The following PSMD11 variants were observed in gnomAD, a reference collection of about 807,000 sequenced individuals.
PSMD11 encodes 26S proteasome non-ATPase regulatory subunit 11.
A neutral mutation model predicts 62.3 loss-of-function variants in PSMD11; 5 were observed. The ratio of observed to expected loss-of-function variants is 0.08; its 90% CI spans 0.04 to 0.17. PSMD11 has a LOEUF of 0.17. Ranked by LOEUF, PSMD11 falls within the 10% of genes least tolerant of loss-of-function variation. The pLI is 1.00. For synonymous variants in PSMD11, 191 were observed against 191.8 expected (o/e 1.00, Z 0.03); for missense variants, 310 against 512.9 (o/e 0.60, Z 3.82).
Position 32,473,791 on chromosome 17 carries a change from C to T in PSMD11, c.644-10C>T, listed in dbSNP as rs757552457. On this transcript the variant is annotated splice_polypyrimidine_tract_variant and intron_variant, in intron 6 of 13. Coordinates refer to ENST00000261712, the MANE Select transcript of PSMD11 (RefSeq NM_002815.4). ...TTATATGTTCTTATTCCTTTCTTTTCAATGCCCAGGTATTATCCATGCAGC... is the reference window on the plus strand; with the variant it reads ...TTATATGTTCTTATTCCTTTCTTTTTAATGCCCAGGTATTATCCATGCAGC... 3.1e-6 allele frequency: 5 copies of T among 1,612,550 alleles called. No individual in the cohort carries two copies. Among genetic ancestry groups the T allele is most frequent in the South Asian group, 1.1e-5 (1 of 90,990 alleles).
chr17:32,479,434 C>A, intron 10 of PSMD11, 58 bp downstream of exon 10: 1 of 1,591,486 alleles, frequency 6.3e-7, no homozygotes, highest in South Asian at 1.1e-5. Context: ...AGCCACCTCC[C>A]TTCCACACCT....
At chr17:32,456,676 C>T (rs1010482226) in intron 3 of PSMD11, among the ~76,000 whole-genome samples, 4 of 152,174 alleles carry the variant, frequency 2.6e-5, no homozygotes, top group African/African-American at 9.6e-5. Flanking sequence ...ACTACAGGCG[C>T]CCGCCACCAC....
Position 32,479,330 on chromosome 17 carries a change from T to A in PSMD11, c.992T>A (p.Leu331Gln). 1 of 1,614,186 alleles carries A rather than the reference T, an allele frequency of 6.2e-7. No individual in the cohort carries two copies. Among genetic ancestry groups the A allele is most frequent in the South Asian group, 1.1e-5 (1 of 91,080 alleles). Residue 331 changes from leucine to glutamine, a missense_variant, in exon 10 of 14, where the codon CTA becomes CAA. Leu to Gln is a moderately radical substitution (Grantham distance 113). Coordinates refer to ENST00000261712, the MANE Select transcript of PSMD11 (RefSeq NM_002815.4). Reference sequence around the variant, plus strand: ...TTGGCCAAGTTGTATGATAACTTACTAGAACAGAATCTGATCCGAGTCATT... The same window carrying A: ...TTGGCCAAGTTGTATGATAACTTACAAGAACAGAATCTGATCCGAGTCATT... ...THLAKLYDNL[L>Q]EQNLIRVIEP...
At position 32,452,539 on chromosome 17, in the gene PSMD11, A is replaced by G. The variant is rs376412753; in HGVS notation, c.194-1956A>G. Among the ~76,000 whole-genome samples the G allele has an allele frequency of 1.1e-4, 17 of 152,356 alleles. No individual in the cohort carries two copies. In the East Asian group the frequency reaches 1.5e-3, roughly 14 times the overall value. On this transcript the variant is annotated intron_variant, in intron 2 of 13. Coordinates refer to ENST00000261712, the MANE Select transcript of PSMD11 (RefSeq NM_002815.4). Reference sequence around the variant, plus strand: ...CTCAGTACAGTTAGAAGACAGAATTAAAATTCACAGTTATTGCCAAAGCCA... The same window carrying G: ...CTCAGTACAGTTAGAAGACAGAATTGAAATTCACAGTTATTGCCAAAGCCA...
At chr17:32,479,980 C>T (rs1274972984) in intron 11 of PSMD11, 94 bp downstream of exon 11, 1 of 1,516,648 alleles carries the variant, frequency 6.6e-7, no homozygotes, top group Non-Finnish European at 9.2e-7. Flanking sequence ...GGAAAGCTCC[C>T]CAGCTTCTCA....
intron 6 of PSMD11, among the ~76,000 whole-genome samples, chr17:32,470,156 G>T (rs967411362): frequency 3.3e-5 from 5 of 151,934 alleles, no homozygotes; most frequent in African/African-American, 1.2e-4. Flanking sequence ...GGGACTACAG[G>T]AGCGCGACAC....
intron 2 of PSMD11, among the ~76,000 whole-genome samples, chr17:32,448,309 G>T (rs1256415652): frequency 6.6e-6 from 1 of 151,958 alleles, no homozygotes; most frequent in Non-Finnish European, 1.5e-5. Context: ...ACATCATTAA[G>T]TAGCTATAAA....
chr17:32,480,740 T>C lies in PSMD11; in HGVS notation c.*1-13T>C. On this transcript the variant is annotated splice_polypyrimidine_tract_variant and intron_variant, in intron 13 of 13. Coordinates refer to ENST00000261712, the MANE Select transcript of PSMD11 (RefSeq NM_002815.4). Reference sequence around the variant, plus strand: ...TGGCTTCCTGATTGACACTGCTCTGTCTTCTCTTGCAGAGTTGGATCTGTA... The same window carrying C: ...TGGCTTCCTGATTGACACTGCTCTGCCTTCTCTTGCAGAGTTGGATCTGTA... 2 of 1,305,536 alleles carry C rather than the reference T, an allele frequency of 1.5e-6. No homozygotes were observed. 80.9% of individuals were successfully genotyped at this position (1,305,536 alleles called of 1,614,324 possible). A position where few individuals can be genotyped will look rare whatever the true frequency, so the allele number is the denominator to read the frequency against.
chr17:32,461,171 A>G (rs1907829742), intron 3 of PSMD11, among the ~76,000 whole-genome samples: 1 of 151,804 alleles, frequency 6.6e-6, no homozygotes, highest in Non-Finnish European at 1.5e-5. Flanking sequence ...TCTGCCTCCC[A>G]GGTTCATGTG....
chr17:32,460,719 G>A (rs988371456), intron 3 of PSMD11, among the ~76,000 whole-genome samples: 1 of 150,234 alleles, frequency 6.7e-6, no homozygotes, highest in African/African-American at 2.5e-5. Context: ...CTTGCAGTGA[G>A]CGCCACTGCA....
In PSMD11 at chr17:32,464,184, G is replaced by T. The variant is rs1212274880; in HGVS notation, c.390+64G>T. On this transcript the variant is annotated intron_variant, in intron 4 of 13. Coordinates refer to ENST00000261712, the MANE Select transcript of PSMD11 (RefSeq NM_002815.4). ...ATGAGACAGAGGGTGAATGTAAGCA[G>T]TACCATCCTTATCAAAAGTATCTTC... The T allele has an allele frequency of 2.1e-6, 3 of 1,415,796 alleles. No homozygotes were observed. The Admixed American group carries it at 5.1e-5, about 24-fold the overall frequency. 87.7% of individuals were successfully genotyped at this position (1,415,796 alleles called of 1,614,324 possible).
chr17:32,451,120 CA>C (rs68054446), intron 2 of PSMD11, among the ~76,000 whole-genome samples: 212 of 106,306 alleles, frequency 2.0e-3, no homozygotes, highest in East Asian at 9.6e-3. Flanking sequence ...GGCTCTTTCT[CA>C]AAAAAAAAAA....
At chr17:32,473,260 AGG>A (rs1908223738) in intron 6 of PSMD11, among the ~76,000 whole-genome samples, 1 of 150,716 alleles carries the variant, frequency 6.6e-6, no homozygotes, top group Non-Finnish European at 1.5e-5. Context: ...CCGAGATTAC[AGG>A]AGTGAACCCC....
intron 2 of PSMD11, among the ~76,000 whole-genome samples, chr17:32,451,417 G>C (rs1160704183): frequency 6.6e-6 from 1 of 152,130 alleles, no homozygotes; most frequent in African/African-American, 2.4e-5. Flanking sequence ...GGCTCTAACA[G>C]TTTCTTTTAT....
In PSMD11 at chr17:32,480,991, A is replaced by G. The variant is rs1394919708; in HGVS notation, c.*239A>G. On this transcript the variant is annotated 3_prime_UTR_variant, in exon 14 of 14. Coordinates refer to ENST00000261712, the MANE Select transcript of PSMD11 (RefSeq NM_002815.4). ...AAAAAAGAAAAAGAAAAAAAAAAAG[A>G]TTATTCTAAATAAAAGGAAAAAGGC... 2 of 172,646 alleles carry G rather than the reference A, an allele frequency of 1.2e-5. No individual in the cohort carries two copies. The highest frequency in any genetic ancestry group is 4.8e-5 in the African/African-American group (2 of 41,836). The allele number at this position is 172,646 out of a possible 1,614,324, so 10.7% of individuals were successfully genotyped here. A position where few individuals can be genotyped will look rare whatever the true frequency, so the allele number is the denominator to read the frequency against.
Position 32,473,963 on chromosome 17 carries a change from C to A in PSMD11, c.788+18C>A. ...CTCAACACGTAGGTGCACCTTAACT[C>A]TGGACTACAAGAACTCAGATCCTTC... is the stretch of plus-strand genomic sequence containing the variant. On this transcript the variant is annotated intron_variant, in intron 7 of 13. Transcript: ENST00000261712. The A allele has an allele frequency of 6.2e-7, 1 of 1,613,318 alleles. No individual in the cohort carries two copies. Among genetic ancestry groups the A allele is most frequent in the South Asian group, 1.1e-5 (1 of 90,998 alleles).
intron 1 of PSMD11, chr17:32,444,838 G>T (rs576877420): frequency 1.9e-5 from 11 of 573,970 alleles, no homozygotes; most frequent in Non-Finnish European, 3.3e-5. Context: ...GCCGGCTGCT[G>T]ACTCACGGGG....
chr17:32,470,956 C>T (rs1012969934), intron 6 of PSMD11, among the ~76,000 whole-genome samples: 5 of 152,252 alleles, frequency 3.3e-5, no homozygotes, highest in South Asian at 2.1e-4. Flanking sequence ...GCTGGAAGGA[C>T]GCATCACTCA....
chr17:32,472,475 T>C (rs1171401642), intron 6 of PSMD11, among the ~76,000 whole-genome samples: 1 of 151,670 alleles, frequency 6.6e-6, no homozygotes, highest in Non-Finnish European at 1.5e-5. Flanking sequence ...CTGGCTGCCT[T>C]GGCCTCCCAA....
Sources: gnomAD v4.1 joint callset for allele counts (sites outside exome capture counted in the v4.1 genomes callset) on GRCh38, gnomAD v4.1.1 for gene constraint, MANE v1.5 for transcripts, NCBI Gene and HGNC (gene_info 2026-07-23, HGNC 2026-07-21) for gene names.